Variants in LRRIQ1 observed in about 807,000 individuals in gnomAD.
The protein encoded by LRRIQ1 is leucine rich repeats and IQ motif containing 1, also known as leucine-rich repeat- and IQ domain-containing protein 1.
In LRRIQ1, 210 loss-of-function variants were observed where a neutral mutation model predicts 211.9. The ratio of observed to expected loss-of-function variants is 0.99; its 90% CI spans 0.89 to 1.11. The LOEUF (loss-of-function observed/expected upper bound fraction) is 1.11. LRRIQ1 is among the 50% of genes most tolerant of loss of function. The pLI, the probability that LRRIQ1 is intolerant of heterozygous loss-of-function variation, is 0.00. For missense variants in LRRIQ1, 2,136 were observed against 1,939.5 expected, an observed-to-expected ratio of 1.10 and a Z score of -1.90; for synonymous variants, 699 against 650.1, an observed-to-expected ratio of 1.08 and a Z score of -1.14.
At chr12:85,250,903 T>TATATATA (rs1895910035) in intron 1 of LRRIQ1, among the ~76,000 whole-genome samples, 1 of 93,382 alleles carries the variant, frequency 1.1e-5, no homozygotes, top group Non-Finnish European at 2.0e-5. Context: ...TTTTATATAT[T>TATATATA]ATATATAATA....
Position 85,046,003 on chromosome 12 carries a change from C to T in LRRIQ1, c.337-17C>T, listed in dbSNP as rs769699904. On this transcript the variant is annotated splice_polypyrimidine_tract_variant and intron_variant, in intron 4 of 26. Coordinates refer to ENST00000393217, the MANE Select transcript of LRRIQ1 (RefSeq NM_001079910.2). ...TTTTGATTTTCTTTAATCATTGGTA[C>T]TCATTTAACCTCTTAGATATTATCT... 4 of 1,379,976 alleles carry T rather than the reference C, an allele frequency of 2.9e-6. No individual in the cohort carries two copies. Among genetic ancestry groups the T allele is most frequent in the East Asian group, 2.3e-5 (1 of 43,502 alleles). 85.5% of individuals were successfully genotyped at this position (1,379,976 alleles called of 1,614,324 possible).
At chr12:85,206,073 A>G (rs1893529261) in intron 24 of LRRIQ1, among the ~76,000 whole-genome samples, 1 of 152,248 alleles carries the variant, frequency 6.6e-6, no homozygotes, top group Non-Finnish European at 1.5e-5. Context: ...TTGTCAGGCC[A>G]TGGCAGCAAG....
chr12:85,147,141 A>G (rs1388756272), intron 19 of LRRIQ1, among the ~76,000 whole-genome samples: 1 of 151,826 alleles, frequency 6.6e-6, no homozygotes, highest in Non-Finnish European at 1.5e-5. Context: ...CTGAAAACTT[A>G]GGCAACTAAT....
intron 10 of LRRIQ1, among the ~76,000 whole-genome samples, chr12:85,067,571 T>C (rs990354138): frequency 4.2e-4 from 64 of 151,826 alleles, no homozygotes; most frequent in African/African-American, 1.4e-3. Flanking sequence ...ATTTTTGATA[T>C]GGTCTTGCTA....
At chr12:85,108,504 A>C (rs1022076249) in intron 15 of LRRIQ1, among the ~76,000 whole-genome samples, 1 of 152,026 alleles carries the variant, frequency 6.6e-6, no homozygotes, top group East Asian at 1.9e-4. Flanking sequence ...TTCAGTTTCT[A>C]CTGGTCCTTT....
chr12:85,067,581 A>G (rs1368428655), intron 10 of LRRIQ1, among the ~76,000 whole-genome samples: 1 of 151,432 alleles, frequency 6.6e-6, no homozygotes, highest in Admixed American at 6.6e-5. Context: ...TGGTCTTGCT[A>G]TGTTGCCCAG....
At chr12:85,138,624 A>C (rs568000711) in intron 19 of LRRIQ1, among the ~76,000 whole-genome samples, 1 of 151,636 alleles carries the variant, frequency 6.6e-6, no homozygotes, top group East Asian at 1.9e-4. Flanking sequence ...CACAGTTATA[A>C]ATCCCCTGCC....
chr12:85,111,945 TACAC>T (rs539688376), intron 15 of LRRIQ1, among the ~76,000 whole-genome samples: 4 of 148,168 alleles, frequency 2.7e-5, no homozygotes, highest in South Asian at 2.2e-4. Context: ...TATATATATA[TACAC>T]ACACACACAC....
intron 24 of LRRIQ1, among the ~76,000 whole-genome samples, chr12:85,227,714 C>G (rs1894732460): frequency 6.6e-6 from 1 of 152,044 alleles, no homozygotes; most frequent in Non-Finnish European, 1.5e-5. Flanking sequence ...GCATTGCCAA[C>G]ACAATCCTAA....
intron 24 of LRRIQ1, among the ~76,000 whole-genome samples, chr12:85,171,123 C>T (rs1170956845): frequency 6.6e-6 from 1 of 151,980 alleles, no homozygotes; most frequent in African/African-American, 2.4e-5. Flanking sequence ...TACATAATAT[C>T]TTTGAGGATA....
intron 7 of LRRIQ1, among the ~76,000 whole-genome samples, chr12:85,055,190 C>G (rs1880830420): frequency 6.6e-6 from 1 of 151,910 alleles, no homozygotes; most frequent in Admixed American, 6.6e-5. Flanking sequence ...AAGTCCTTTT[C>G]TTTTACGTGG....
chr12:85,176,645 T>A (rs1891717204), intron 24 of LRRIQ1, among the ~76,000 whole-genome samples: 1 of 147,722 alleles, frequency 6.8e-6, no homozygotes, highest in Non-Finnish European at 1.5e-5. Context: ...TAATGCTAGA[T>A]GACGAGTTAG....
At chr12:85,130,535 C>G (rs956760153) in intron 18 of LRRIQ1, among the ~76,000 whole-genome samples, 12 of 152,122 alleles carry the variant, frequency 7.9e-5, no homozygotes, top group African/African-American at 2.4e-4. Context: ...TTTGGTTGAG[C>G]TTCTTTGTAT....
At chr12:85,046,411 C>G (rs1002258593) in intron 5 of LRRIQ1, among the ~76,000 whole-genome samples, 18 of 152,122 alleles carry the variant, frequency 1.2e-4, no homozygotes, top group African/African-American at 4.3e-4. Flanking sequence ...TTAACTATCT[C>G]TTAATGACAC....
chr12:85,125,028 A>C (rs537585415), intron 17 of LRRIQ1, among the ~76,000 whole-genome samples: 1 of 152,098 alleles, frequency 6.6e-6, no homozygotes, highest in South Asian at 2.1e-4. Flanking sequence ...AAATACAAAA[A>C]ATTAGCCGGG....
In LRRIQ1 at chr12:85,152,917, T is replaced by G. The variant is rs992885436; in HGVS notation, c.4420-107T>G. On this transcript the variant is annotated intron_variant, in intron 20 of 26. Coordinates refer to ENST00000393217, the MANE Select transcript of LRRIQ1 (RefSeq NM_001079910.2). Reference sequence around the variant, plus strand: ...TTTTATTATAATTTTAATTTTATAATGAGTTTCCCTTAGGAGGCTATTTGG... The same window carrying G: ...TTTTATTATAATTTTAATTTTATAAGGAGTTTCCCTTAGGAGGCTATTTGG... The G allele has an allele frequency of 1.0e-5, 6 of 580,436 alleles. No homozygotes were observed. The African/African-American group carries it at 1.2e-4, about 11-fold the overall frequency. The allele number at this position is 580,436 out of a possible 1,614,324, so 36.0% of individuals were successfully genotyped here.
intron 19 of LRRIQ1, among the ~76,000 whole-genome samples, chr12:85,146,353 A>G (rs376780905): frequency 1.3e-5 from 2 of 151,788 alleles, no homozygotes; most frequent in African/African-American, 4.8e-5. Flanking sequence ...TCTGTTTCAC[A>G]AGGGAAGTAC....
At chr12:85,114,841 A>T (rs1231461292) in intron 15 of LRRIQ1, among the ~76,000 whole-genome samples, 2 of 152,132 alleles carry the variant, frequency 1.3e-5, no homozygotes, top group Non-Finnish European at 2.9e-5. Flanking sequence ...AAATCTGTAA[A>T]TCTATAAAAT....
chr12:85,265,105 CAT>C (rs1213141316), downstream of LRRIQ1, among the ~76,000 whole-genome samples: 3 of 151,998 alleles, frequency 2.0e-5, no homozygotes, highest in Non-Finnish European at 4.4e-5. Flanking sequence ...TATATACTGA[CAT>C]GTGTAATACT....
Sources: gnomAD v4.1 joint callset for allele counts (sites outside exome capture counted in the v4.1 genomes callset) on GRCh38, gnomAD v4.1.1 for gene constraint, MANE v1.5 for transcripts, NCBI Gene and HGNC (gene_info 2026-07-23, HGNC 2026-07-21) for gene names.